DNMT1: variants seen among roughly 807,000 people sequenced by gnomAD.
The protein encoded by DNMT1 is DNA (cytosine-5)-methyltransferase 1.
Under a neutral mutation model 205.3 loss-of-function variants are expected in DNMT1, and 24 were observed. That is an observed-to-expected ratio of 0.12 (90% CI 0.08 to 0.16). The LOEUF is 0.16. Among genes scored for constraint, DNMT1 ranks in the 10% least tolerant of loss-of-function variants. The pLI, the probability that DNMT1 is intolerant of heterozygous loss-of-function variation, is 1.00. For synonymous variants in DNMT1, 817 were observed against 839.8 expected (o/e 0.97, Z 0.47); for missense variants, 1,293 against 2,177.7 (o/e 0.59, Z 8.09).
chr19:10,181,993 T>C (rs776779803), intron 2 of DNMT1, 48 bp downstream of exon 2: 1 of 1,535,968 alleles, frequency 6.5e-7, no homozygotes, highest in Admixed American at 1.7e-5. Flanking sequence ...AGCCACAAAG[T>C]GTGTCAGTCA....
rs758121423 is a variant in DNMT1, at chr19:10,141,094, C to T, written c.3394+11G>A. 6.2e-7 allele frequency: 1 copy of T among 1,614,030 alleles called. No homozygotes were observed. Among genetic ancestry groups the T allele is most frequent in the Non-Finnish European group, 8.5e-7 (1 of 1,179,974 alleles). ...AGAATAACTTGAAAAGAAACTCATA[C>T]AATGACGTACCTTTTCCCTTGCCCT... On this transcript the variant is annotated intron_variant, in intron 31 of 40. Coordinates refer to ENST00000359526, the MANE Select transcript of DNMT1 (RefSeq NM_001130823.3).
intron 9 of DNMT1, among the ~76,000 whole-genome samples, chr19:10,171,757 A>G (rs970602534): frequency 1.3e-5 from 2 of 152,060 alleles, no homozygotes; most frequent in African/African-American, 4.8e-5. Context: ...GTGAGCGGAG[A>G]TCAAGCCACT....
chr19:10,142,022 C>T lies in DNMT1; in HGVS notation c.3309+6G>A. On this transcript the variant is annotated splice_donor_region_variant and intron_variant, in intron 30 of 40. Transcript: ENST00000359526. ...AAGCCTTCCCTCTAGCAAGCAGGGG[C>T]ACCACCTCGAGGAAGTAGAAGCGGT... 6.2e-7 allele frequency: 1 copy of T among 1,612,168 alleles called. No individual in the cohort carries two copies. Among genetic ancestry groups the T allele is most frequent in the South Asian group, 1.1e-5 (1 of 90,994 alleles).
chr19:10,189,796 C>A (rs767461165), intron 1 of DNMT1, among the ~76,000 whole-genome samples: 11 of 152,104 alleles, frequency 7.2e-5, no homozygotes, highest in Non-Finnish European at 1.6e-4. Context: ...CACTTTACTG[C>A]AGTGGTCTGG....
intron 19 of DNMT1, 61 bp downstream of exon 19, chr19:10,155,792 G>A (rs2038445175): frequency 6.5e-7 from 1 of 1,540,894 alleles, no homozygotes; most frequent in East Asian, 2.3e-5. Flanking sequence ...CAGCCCCCAG[G>A]AAGGAGAACA....
At chr19:10,168,472 G>A in intron 9 of DNMT1, 108 bp from the exon 10 acceptor site, 1 of 1,175,008 alleles carries the variant, frequency 8.5e-7, no homozygotes, top group Non-Finnish European at 1.3e-6. Context: ...AGAGTCCACT[G>A]GTGGGAGTAA....
chr19:10,173,388 G>A (rs2038865570), intron 8 of DNMT1, among the ~76,000 whole-genome samples: 1 of 152,092 alleles, frequency 6.6e-6, no homozygotes, highest in Admixed American at 6.6e-5. Context: ...AAGAAAACAG[G>A]AGAATTCTAC....
chr19:10,173,288 C>A, intron 8 of DNMT1, 114 bp from the exon 9 acceptor site: 4 of 997,208 alleles, frequency 4.0e-6, no homozygotes, highest in South Asian at 4.0e-5. Context: ...TCTCAGGAGC[C>A]CTGACAGACA....
At position 10,142,021 on chromosome 19, in the gene DNMT1, G is replaced by A. The variant is rs1321247231; in HGVS notation, c.3309+7C>T. ...GAAGCCTTCCCTCTAGCAAGCAGGG[G>A]CACCACCTCGAGGAAGTAGAAGCGG... is the stretch of plus-strand genomic sequence containing the variant. On this transcript the variant is annotated splice_region_variant and intron_variant, in intron 30 of 40. Transcript: ENST00000359526. 1 of 1,612,050 alleles carries A rather than the reference G, an allele frequency of 6.2e-7. No homozygotes were observed. The highest frequency in any genetic ancestry group is 8.5e-7 in the Non-Finnish European group (1 of 1,178,762).
At chr19:10,134,184 G>A (rs763263112) in intron 40 of DNMT1, 33 bp downstream of exon 40, 1 of 1,612,314 alleles carries the variant, frequency 6.2e-7, no homozygotes, top group African/African-American at 1.3e-5. Context: ...GGGCAGTCAG[G>A]CCCCAGAGGA....
rs1416290728 is a variant in DNMT1 at position 10,137,815 on chromosome 19, T to C, written c.4293+17A>G. The C allele has an allele frequency of 7.4e-6, 12 of 1,611,368 alleles. No homozygotes were observed. Among genetic ancestry groups the C allele is most frequent in the Non-Finnish European group, 9.3e-6 (11 of 1,179,202 alleles). On this transcript the variant is annotated intron_variant, in intron 36 of 40. Transcript: ENST00000359526. The surrounding 1 kb of genome is among the most constrained non-coding windows in gnomAD (Gnocchi z 6.4). ...GCTGGGCCTCGAGGAGGAGCCGCTC[T>C]GTCAGGGTGCCATTACCTTACAGAT...
rs202245934 is a variant in DNMT1 at position 10,151,587 on chromosome 19, A to C, written c.2118-42T>G. On this transcript the variant is annotated intron_variant, in intron 23 of 40. Transcript: ENST00000359526. This position sits in a 1 kb window ranked among gnomAD's most constrained non-coding sequence, Gnocchi z 5.0. ...TATACCTAAGGCCCCTTTTCTAAGTAAGACCAACCGGGGCTGTTTTCTTCA... is the reference window on the plus strand; with the variant it reads ...TATACCTAAGGCCCCTTTTCTAAGTCAGACCAACCGGGGCTGTTTTCTTCA... 3.8e-4 allele frequency: 617 copies of C among 1,612,424 alleles called. No homozygotes were observed. Among genetic ancestry groups the C allele is most frequent in the Non-Finnish European group, 4.9e-4 (584 of 1,180,010 alleles).
At chr19:10,180,117 C>T in intron 5 of DNMT1, 70 bp downstream of exon 5, 1 of 561,028 alleles carries the variant, frequency 1.8e-6, no homozygotes, top group East Asian at 3.3e-5. Flanking sequence ...AGTTCTGGAC[C>T]AGCCTGGCCA....
chr19:10,160,146 G>A, intron 14 of DNMT1, 83 bp from the exon 15 acceptor site: 1 of 1,599,788 alleles, frequency 6.3e-7, no homozygotes, highest in Non-Finnish European at 8.5e-7. Context: ...GTTTCTGCCT[G>A]AGGTGCCTGT....
At chr19:10,150,058 C>T (rs2038306296) in intron 24 of DNMT1, 90 bp from the exon 25 acceptor site, 2 of 1,112,958 alleles carry the variant, frequency 1.8e-6, no homozygotes, top group Admixed American at 1.7e-5. Context: ...TAAAGTAAGA[C>T]ATGACTCGAT....
intron 2 of DNMT1, among the ~76,000 whole-genome samples, chr19:10,181,515 T>C (rs2039045518): frequency 1.4e-5 from 2 of 143,576 alleles, no homozygotes; most frequent in South Asian, 4.6e-4. Context: ...GTAGATTGTT[T>C]AGGAACTGAG....
chr19:10,181,892 G>T, intron 2 of DNMT1, 149 bp downstream of exon 2: 2 of 682,090 alleles, frequency 2.9e-6, no homozygotes, highest in Non-Finnish European at 5.0e-6. Context: ...GCAAATTAGT[G>T]CTGACATTTA....
intron 22 of DNMT1, among the ~76,000 whole-genome samples, chr19:10,153,213 A>G (rs1397285254): frequency 6.6e-6 from 1 of 152,242 alleles, no homozygotes; most frequent in Non-Finnish European, 1.5e-5. Context: ...CATATTTACA[A>G]TACTGAAGAG....
intron 1 of DNMT1, among the ~76,000 whole-genome samples, chr19:10,191,595 C>T (rs1320586591): frequency 1.3e-5 from 2 of 152,134 alleles, no homozygotes; most frequent in Non-Finnish European, 2.9e-5. Context: ...AGCCAGTGGC[C>T]TACTGGCAAC....
Sources: allele counts gnomAD v4.1 joint callset (sites outside exome capture counted in the v4.1 genomes callset), GRCh38; gene constraint gnomAD v4.1.1; non-coding constraint Gnocchi (gnomAD v3.1); transcripts MANE v1.5; gene names NCBI Gene and HGNC (gene_info 2026-07-23, HGNC 2026-07-21).